TP53I11: variants seen among roughly 807,000 people sequenced by gnomAD.
TP53I11 encodes tumor protein p53 inducible protein 11, also known as tumor protein p53-inducible protein 11.
TP53I11 carries 9 observed loss-of-function variants against 23.3 expected under a neutral mutation model. The ratio of observed to expected loss-of-function variants is 0.39; its 90% CI spans 0.23 to 0.67. The LOEUF (loss-of-function observed/expected upper bound fraction) is 0.67, where lower values mean the gene tolerates loss of function less well. TP53I11 is among the 30% of genes least tolerant of loss of function. The pLI is 0.48. For missense variants in TP53I11, 170 were observed against 255.2 expected (o/e 0.67, Z 2.27); for synonymous variants, 100 against 106.1 (o/e 0.94, Z 0.35).
At chr11:44,940,808 G>A (rs1179731605) in intron 1 of TP53I11, 21 of 152,172 alleles carry the variant, frequency 1.4e-4, no homozygotes, top group Non-Finnish European at 3.1e-4. Context: ...TGGACTTTCA[G>A]AGAAAGCATC....
At chr11:44,938,060 C>A in intron 2 of TP53I11, 147 bp downstream of exon 2, 2 of 1,190,756 alleles carry the variant, frequency 1.7e-6, no homozygotes, top group South Asian at 3.4e-5. Context: ...TCTCGTTATT[C>A]CCCTGGCATT....
In TP53I11 at chr11:44,936,153, A is replaced by G; in HGVS notation, c.335-491T>C. 2 of 927,122 alleles carry G rather than the reference A, an allele frequency of 2.2e-6. No homozygotes were observed. The highest frequency in any genetic ancestry group is 9.6e-5 in the South Asian group (2 of 20,898). The allele number at this position is 927,122 out of a possible 1,614,324, so 57.4% of individuals were successfully genotyped here. On this transcript the variant is annotated intron_variant, in intron 5 of 6. Transcript: ENST00000525680. The surrounding 1 kb of genome is among the most constrained non-coding windows in gnomAD (Gnocchi z 4.4). ...GGGATGAACCATACTTTTTAGCAGA[A>G]GACCACTGACTTGGCCTCTAGCAGG...
In TP53I11 at chr11:44,936,972, G is replaced by A; in HGVS notation, c.238-73C>T. On this transcript the variant is annotated intron_variant, in intron 4 of 6. Transcript: ENST00000525680. The surrounding 1 kb of genome is among the most constrained non-coding windows in gnomAD (Gnocchi z 4.4). ...GGGGTGACAGCTGATGCTTCCCACA[G>A]ACGTCTTCCTTCCCCGCCAGGAGCA... 9.1e-7 allele frequency: 1 copy of A among 1,094,710 alleles called. No individual in the cohort carries two copies. Among genetic ancestry groups the A allele is most frequent in the South Asian group, 1.5e-5 (1 of 66,506 alleles). The allele number at this position is 1,094,710 out of a possible 1,614,324, so 67.8% of individuals were successfully genotyped here. A position where few individuals can be genotyped will look rare whatever the true frequency, so the allele number is the denominator to read the frequency against.
chr11:44,939,627 A>G (rs1861552606), intron 1 of TP53I11, among the ~76,000 whole-genome samples: 2 of 152,214 alleles, frequency 1.3e-5, no homozygotes, highest in African/African-American at 4.8e-5. Context: ...TCTTAAAATA[A>G]AGCACCCGAA....
At chr11:44,949,699 C>T (rs1312598237) in intron 1 of TP53I11, among the ~76,000 whole-genome samples, 1 of 152,116 alleles carries the variant, frequency 6.6e-6, no homozygotes, top group Non-Finnish European at 1.5e-5. Context: ...CACACAGCCT[C>T]CCCCGGGTAG....
intron 1 of TP53I11, among the ~76,000 whole-genome samples, chr11:44,942,120 GCC>G (rs1861872423): frequency 1.1e-4 from 1 of 9,136 alleles, no homozygotes; most frequent in African/African-American, 4.4e-4. Context: ...GCACACACAC[GCC>G]ACACAAACCC....
chr11:44,944,698 C>G (rs1338980903), intron 1 of TP53I11, among the ~76,000 whole-genome samples: 4 of 152,202 alleles, frequency 2.6e-5, no homozygotes, highest in Non-Finnish European at 5.9e-5. Flanking sequence ...CTCTGAGCCT[C>G]TATGTCCTCA....
At chr11:44,949,568 C>T (rs1401375900) in intron 1 of TP53I11, among the ~76,000 whole-genome samples, 2 of 152,030 alleles carry the variant, frequency 1.3e-5, no homozygotes, top group Non-Finnish European at 2.9e-5. Context: ...CAGGAAGAGG[C>T]GGAAGCCCGA....
In TP53I11 at chr11:44,933,692, T is replaced by C. The variant is rs1394024189; in HGVS notation, c.*1192A>G. 6.5e-6 allele frequency: 1 copy of C among 152,786 alleles called. No individual in the cohort carries two copies. The highest frequency in any genetic ancestry group is 2.4e-5 in the African/African-American group (1 of 41,440). 9.5% of individuals were successfully genotyped at this position (152,786 alleles called of 1,614,324 possible). ...CCCCAAGACAGCCAGTTGTCAGCCT[T>C]TGCCAGGGCGCTGGACAGGGCGGGG... is the stretch of plus-strand genomic sequence containing the variant. On this transcript the variant is annotated 3_prime_UTR_variant, in exon 7 of 7. Coordinates refer to ENST00000525680, the MANE Select transcript of TP53I11 (RefSeq NM_006034.5).
chr11:44,934,879 G>A lies in TP53I11; in HGVS notation c.*5C>T. The stretch of plus-strand genomic sequence containing the variant: ...CATGGGCAGGGCCCCAGGCCCAGCG[G>A]GCAACTAGGCCTTCTTGGGTCTTCG... On this transcript the variant is annotated 3_prime_UTR_variant, in exon 7 of 7. Transcript: ENST00000525680. 3 of 1,613,974 alleles carry A rather than the reference G, an allele frequency of 1.9e-6. No homozygotes were observed. The highest frequency in any genetic ancestry group is 2.5e-6 in the Non-Finnish European group (3 of 1,179,946).
At chr11:44,935,295 T>C (rs550353053) in intron 6 of TP53I11, among the ~76,000 whole-genome samples, 81 of 152,044 alleles carry the variant, frequency 5.3e-4, no homozygotes, top group African/African-American at 1.9e-3. Context: ...GCAGTGGGTG[T>C]GGGGGGGCCG....
Position 44,936,750 on chromosome 11 carries a change from G to C in TP53I11, c.334+53C>G. 1 of 1,463,870 alleles carries C rather than the reference G, an allele frequency of 6.8e-7. No homozygotes were observed. Among genetic ancestry groups the C allele is most frequent in the Non-Finnish European group, 9.0e-7 (1 of 1,106,422 alleles). The allele number at this position is 1,463,870 out of a possible 1,614,324, so 90.7% of individuals were successfully genotyped here. A position where few individuals can be genotyped will look rare whatever the true frequency, so the allele number is the denominator to read the frequency against. On this transcript the variant is annotated intron_variant, in intron 5 of 6. Coordinates refer to ENST00000525680, the MANE Select transcript of TP53I11 (RefSeq NM_006034.5). The surrounding 1 kb of genome is among the most constrained non-coding windows in gnomAD (Gnocchi z 4.4). ...CCCCCGTGCTCTCCTCAGCCCCGCT[G>C]GGTCTCCCAGCTGCCCGTCGCCTCC...
chr11:44,947,473 G>C (rs1862503997), intron 1 of TP53I11, among the ~76,000 whole-genome samples: 1 of 152,232 alleles, frequency 6.6e-6, no homozygotes. Flanking sequence ...GAGGGTGGGA[G>C]AGGAAGGGAG....
chr11:44,935,420 G>T, intron 6 of TP53I11, 141 bp downstream of exon 6: 1 of 728,320 alleles, frequency 1.4e-6, no homozygotes, highest in Non-Finnish European at 2.3e-6. Context: ...ACACAGCCAG[G>T]TGAGTCCTTA....
chr11:44,945,246 C>T (rs1440399899), intron 1 of TP53I11, among the ~76,000 whole-genome samples: 1 of 152,206 alleles, frequency 6.6e-6, no homozygotes, highest in African/African-American at 2.4e-5. Flanking sequence ...GGGCCACCTA[C>T]CCCGGGGCTG....
At chr11:44,937,668 C>T (rs560664060) in intron 2 of TP53I11, 55 bp from the exon 3 acceptor site, 2 of 1,570,370 alleles carry the variant, frequency 1.3e-6, no homozygotes, top group Admixed American at 1.7e-5. Flanking sequence ...TCAGCGCCCC[C>T]ACTCGCTCAT....
Position 44,934,712 on chromosome 11 carries a change from T to C in TP53I11, c.*172A>G. 1 of 858,128 alleles carries C rather than the reference T, an allele frequency of 1.2e-6. No homozygotes were observed. Among genetic ancestry groups the C allele is most frequent in the Non-Finnish European group, 1.7e-6 (1 of 573,088 alleles). 53.2% of individuals were successfully genotyped at this position (858,128 alleles called of 1,614,324 possible). ...ATGTCAAGCCTGAAAGCCCAGGAGA[T>C]CACAGCACACGGGGTGCCCAGGAGG... On this transcript the variant is annotated 3_prime_UTR_variant, in exon 7 of 7. Transcript: ENST00000525680.
chr11:44,946,178 A>C (rs554446998), intron 1 of TP53I11, among the ~76,000 whole-genome samples: 23 of 152,300 alleles, frequency 1.5e-4, no homozygotes, highest in Admixed American at 1.5e-3. Context: ...GGGACACAAA[A>C]GAGGCTTTAT....
chr11:44,942,458 ACACATACACAC>A (rs1196270582), intron 1 of TP53I11, among the ~76,000 whole-genome samples: 10 of 119,990 alleles, frequency 8.3e-5, no homozygotes, highest in South Asian at 5.4e-4. Flanking sequence ...ACACACACAC[ACACATACACAC>A]ACAGAGCATT....
Sources: gnomAD v4.1 joint callset for allele counts (sites outside exome capture counted in the v4.1 genomes callset) on GRCh38, gnomAD v4.1.1 for gene constraint, Gnocchi (gnomAD v3.1) non-coding constraint, MANE v1.5 for transcripts, NCBI Gene and HGNC (gene_info 2026-07-23, HGNC 2026-07-21) for gene names.